Variants in PSMD2 observed in about 807,000 individuals in gnomAD.
PSMD2 encodes 26S proteasome non-ATPase regulatory subunit 2.
A neutral mutation model predicts 101.5 loss-of-function variants in PSMD2; 8 were observed. The ratio of observed to expected loss-of-function variants is 0.08; its 90% CI spans 0.05 to 0.14. The LOEUF (loss-of-function observed/expected upper bound fraction) is 0.14, where lower values mean the gene tolerates loss of function less well. Among genes scored for constraint, PSMD2 ranks in the 10% least tolerant of loss-of-function variants. The probability of loss-of-function intolerance (pLI) is 1.00; values close to 1 mark genes in which losing one functional copy is unlikely to be tolerated. For synonymous variants in PSMD2, 418 were observed against 433.8 expected (o/e 0.96, Z 0.45); for missense variants, 784 against 1,147.4 (o/e 0.68, Z 4.58).
rs746289949 is a variant in PSMD2, at chr3:184,304,120, T to C, written c.1451+46T>C. The C allele has an allele frequency of 6.2e-7, 1 of 1,610,200 alleles. No homozygotes were observed. Among genetic ancestry groups the C allele is most frequent in the East Asian group, 2.2e-5 (1 of 44,866 alleles). ...TTCTGGTAGTGCTCAGCCTGTACAC[T>C]CTGGAGAACAGGAACTGGGCCCTTT... On this transcript the variant is annotated intron_variant, in intron 11 of 20. Coordinates refer to ENST00000310118, the MANE Select transcript of PSMD2 (RefSeq NM_002808.5). The surrounding 1 kb of genome is among the most constrained non-coding windows in gnomAD (Gnocchi z 4.1).
At position 184,302,029 on chromosome 3, in the gene PSMD2, T is replaced by C. The variant is rs759882711; in HGVS notation, c.662T>C (p.Ile221Thr). ...IEQVDMLEKD[I>T]DENAYAKVCL... ...CAGGTGGACATGCTGGAGAAGGACA[T>C]TGATGAAAATGCATATGCAAAGGTC... Residue 221 changes from isoleucine to threonine, a missense_variant, in exon 5 of 21, where the codon ATT (isoleucine) becomes ACT (threonine). Transcript: ENST00000310118. 4 of 1,614,082 alleles carry C rather than the reference T, an allele frequency of 2.5e-6. No individual in the cohort carries two copies. The highest frequency in any genetic ancestry group is 2.2e-5 in the South Asian group (2 of 91,088).
chr3:184,303,926 G>T (rs760113671), intron 10 of PSMD2, 21 bp from the exon 11 acceptor site: 13 of 1,614,130 alleles, frequency 8.1e-6, no homozygotes, highest in African/African-American at 1.3e-5. Context: ...CCTGAGTGAA[G>T]AATCTGTTTG....
rs780041118 is a variant in PSMD2, at chr3:184,308,963, C to T, written c.*73C>T. On this transcript the variant is annotated 3_prime_UTR_variant, in exon 21 of 21. Transcript: ENST00000310118. The surrounding 1 kb of genome is among the most constrained non-coding windows in gnomAD (Gnocchi z 6.0). ...TGCATCCTGCTGCCAAGGGTGGACA[C>T]GGCTGCAGACTTCTGGGGGAATTGT... The T allele has an allele frequency of 1.7e-4, 251 of 1,445,476 alleles. No homozygotes were observed. The highest frequency in any genetic ancestry group is 2.1e-4 in the Non-Finnish European group (223 of 1,056,604). The allele number at this position is 1,445,476 out of a possible 1,614,324, so 89.5% of individuals were successfully genotyped here.
chr3:184,306,305 G>A (rs761164087), intron 14 of PSMD2, 45 bp from the exon 15 acceptor site: 2 of 1,601,938 alleles, frequency 1.2e-6, no homozygotes, highest in South Asian at 1.1e-5. Context: ...CTTTTCCTTG[G>A]TAACTTCTCA....
rs1040496665 is a variant in PSMD2, at chr3:184,302,306, T to C, written c.705-64T>C. The C allele has an allele frequency of 2.3e-5, 32 of 1,404,958 alleles. No individual in the cohort carries two copies. In the Admixed American group the frequency reaches 4.0e-4, roughly 17 times the overall value. 87.0% of individuals were successfully genotyped at this position (1,404,958 alleles called of 1,614,324 possible). A position where few individuals can be genotyped will look rare whatever the true frequency, so the allele number is the denominator to read the frequency against. On this transcript the variant is annotated intron_variant, in intron 5 of 20. Coordinates refer to ENST00000310118, the MANE Select transcript of PSMD2 (RefSeq NM_002808.5). ...ATATTTATTATTTATTTTGGGTAAG[T>C]GAATTCATGGGGAAAATGAGTGCCT...
rs1288470289 is a variant in PSMD2 at position 184,302,358 on chromosome 3, T to C, written c.705-12T>C. 3 of 1,605,892 alleles carry C rather than the reference T, an allele frequency of 1.9e-6. No homozygotes were observed. The highest frequency in any genetic ancestry group is 3.5e-5 in the Admixed American group (2 of 57,916). ...GGACTTTCTGAATTCTTTGTTACTTTTACTTTTGTAGTTGTGTGAATTACG... is the reference window on the plus strand; with the variant it reads ...GGACTTTCTGAATTCTTTGTTACTTCTACTTTTGTAGTTGTGTGAATTACG... On this transcript the variant is annotated splice_polypyrimidine_tract_variant and intron_variant, in intron 5 of 20. Transcript: ENST00000310118.
chr3:184,307,428 A>G lies in PSMD2; in HGVS notation c.2106A>G (p.Pro702=), dbSNP rs778101647. Residue 702 remains proline (P), a synonymous_variant, in exon 17 of 21, where the codon CCA becomes CCG. Transcript: ENST00000310118. ...LALALISVSN[P]RLNILDTLSK... ...TGGCCCTCATCTCTGTTTCAAATCC[A>G]CGACTCAACATCCTGGATACCCTAA... 2.0e-5 allele frequency: 32 copies of G among 1,614,142 alleles called. No individual in the cohort carries two copies. Among genetic ancestry groups the G allele is most frequent in the Non-Finnish European group, 2.7e-5 (32 of 1,180,018 alleles).
intron 3 of PSMD2, among the ~76,000 whole-genome samples, chr3:184,301,336 C>CAA (rs112455702): frequency 4.9e-4 from 44 of 90,364 alleles, no homozygotes; most frequent in African/African-American, 2.9e-4. Context: ...AACTGAGTCT[C>CAA]AAAAAAAAAA....
rs1721563350 is a variant in PSMD2 at position 184,299,275 on chromosome 3, G to C, written c.9G>C (p.Glu3Asp). 1 of 1,356,364 alleles carries C rather than the reference G, an allele frequency of 7.4e-7. No homozygotes were observed. Among genetic ancestry groups the C allele is most frequent in the Non-Finnish European group, 9.5e-7 (1 of 1,054,916 alleles). The allele number at this position is 1,356,364 out of a possible 1,614,324, so 84.0% of individuals were successfully genotyped here. A position where few individuals can be genotyped will look rare whatever the true frequency, so the allele number is the denominator to read the frequency against. ...CGGCAGTGGCGGCGGAGATGGAGGA[G>C]GGAGGCCGGGACAAGGCGCCGGTGC... The part of the protein sequence containing the change: ME[E>D]GGRDKAPVQP... The change falls in exon 1 of 21, where the codon GAG (glutamate) becomes GAC (aspartate). Residue 3 changes from glutamate (E) to aspartate (D), a missense_variant. Around this residue, in one of 6 missense-constraint regions of PSMD2, gnomAD observed 196 missense variants for 182.4 expected, o/e 1.07. Coordinates refer to ENST00000310118, the MANE Select transcript of PSMD2 (RefSeq NM_002808.5).
rs1721775599 is a variant in PSMD2, at chr3:184,304,828, T to A, written c.1539+437T>A. 6.6e-6 allele frequency among the ~76,000 whole-genome samples: 1 copy of A among 152,116 alleles called. No individual in the cohort carries two copies. The highest frequency in any genetic ancestry group is 6.5e-5 in the Admixed American group (1 of 15,278). On this transcript the variant is annotated intron_variant, in intron 12 of 20. Transcript: ENST00000310118. The surrounding 1 kb of genome is among the most constrained non-coding windows in gnomAD (Gnocchi z 4.1). ...ATTGCTTGAACCCAGAGGTGGAGGT[T>A]GCAGTGAGCTGAGATCGCGCCACTG...
rs1328322583 is a variant in PSMD2, at chr3:184,304,388, G to C, written c.1536G>C (p.Met512Ile). 4.3e-6 allele frequency: 7 copies of C among 1,613,802 alleles called. No homozygotes were observed. The highest frequency in any genetic ancestry group is 1.3e-5 in the African/African-American group (1 of 74,930). The change falls in exon 12 of 21, where the codon ATG becomes ATC. Residue 512 changes from methionine to isoleucine, a missense_variant. Physicochemically the swap from Met to Ile is conservative, Grantham distance 10 (BLOSUM62 1). Coordinates refer to ENST00000310118, the MANE Select transcript of PSMD2 (RefSeq NM_002808.5). This position sits in a 1 kb window ranked among gnomAD's most constrained non-coding sequence, Gnocchi z 4.1. ...TGATGGGAGATTCAAAGTCCAGCAT[G>C]GAGGTGAGTAGAGGCTATTGAGCAT... Reference protein sequence around the residue: ...LPVMGDSKSSMEVAGVTALAC... With the variant: ...LPVMGDSKSSIEVAGVTALAC...
At position 184,305,004 on chromosome 3, in the gene PSMD2, C is replaced by T. The variant is rs558435590; in HGVS notation, c.1539+613C>T. On this transcript the variant is annotated intron_variant, in intron 12 of 20. Coordinates refer to ENST00000310118, the MANE Select transcript of PSMD2 (RefSeq NM_002808.5). ...AACACAGCCTGGGGTTGATGATTCT[C>T]CTTAGTATTGTAGTCATTGGTCAGC... Among the ~76,000 whole-genome samples the T allele has an allele frequency of 2.6e-5, 4 of 152,258 alleles. No homozygotes were observed. The East Asian group carries it at 5.8e-4, about 22-fold the overall frequency.
rs73887452 is a variant in PSMD2 at position 184,304,529 on chromosome 3, C to A, written c.1539+138C>A. 2.4e-6 allele frequency: 2 copies of A among 844,392 alleles called. No individual in the cohort carries two copies. Among genetic ancestry groups the A allele is most frequent in the East Asian group, 2.5e-5 (1 of 39,832 alleles). 52.3% of individuals were successfully genotyped at this position (844,392 alleles called of 1,614,324 possible). ...ATGCCTGTTGGTGTGTATTGAGGGG[C>A]GTCACCTCAGTGAAACCCCTTGATC... On this transcript the variant is annotated intron_variant, in intron 12 of 20. Transcript: ENST00000310118. The surrounding 1 kb of genome is among the most constrained non-coding windows in gnomAD (Gnocchi z 4.1).
rs11545176 is a variant in PSMD2 at position 184,308,764 on chromosome 3, G to A, written c.2601G>A (p.Thr867=). ...CGAAGACTATCACAGGGTTCCAGACGCATACAACCCCAGTGTTGTTGGCCC... is the reference window on the plus strand; with the variant it reads ...CGAAGACTATCACAGGGTTCCAGACACATACAACCCCAGTGTTGTTGGCCC... ...GKPKTITGFQ[T]HTTPVLLAHG... Residue 867 remains threonine, a synonymous_variant, in exon 21 of 21, where the codon ACG becomes ACA. Coordinates refer to ENST00000310118, the MANE Select transcript of PSMD2 (RefSeq NM_002808.5). The surrounding 1 kb of genome is among the most constrained non-coding windows in gnomAD (Gnocchi z 6.0). The A allele has an allele frequency of 6.0e-4, 961 of 1,614,134 alleles. 2 individuals are homozygous for A. The highest frequency in any genetic ancestry group is 9.0e-4 in the Admixed American group (54 of 60,028).
intron 6 of PSMD2, 62 bp from the exon 7 acceptor site, chr3:184,302,617 T>G: frequency 6.2e-7 from 1 of 1,612,316 alleles, no homozygotes; most frequent in Non-Finnish European, 8.5e-7. Flanking sequence ...GGTTAGGGCT[T>G]GAGGGGTTTT....
At position 184,304,337 on chromosome 3, in the gene PSMD2, A is replaced by C; in HGVS notation, c.1485A>C (p.Glu495Asp). 1 of 1,614,236 alleles carries C rather than the reference A, an allele frequency of 6.2e-7. No individual in the cohort carries two copies. The highest frequency in any genetic ancestry group is 8.5e-7 in the Non-Finnish European group (1 of 1,180,048). ...TGGCTTATGCTGGCTCAAATCGTGAAGATGTCCTAACACTGCTGCTGCCTG... is the reference window on the plus strand; with the variant it reads ...TGGCTTATGCTGGCTCAAATCGTGACGATGTCCTAACACTGCTGCTGCCTG... ...LGLAYAGSNR[E>D]DVLTLLLPVM... is the part of the protein sequence containing the mutation. The change falls in exon 12 of 21, where the codon GAA becomes GAC. Residue 495 changes from glutamate (E) to aspartate (D), a missense_variant. This residue lies in a region of PSMD2 where 282 missense variants were observed against 437.6 expected (regional missense o/e 0.64). Coordinates refer to ENST00000310118, the MANE Select transcript of PSMD2 (RefSeq NM_002808.5). This position sits in a 1 kb window ranked among gnomAD's most constrained non-coding sequence, Gnocchi z 4.1.
chr3:184,304,117 C>T lies in PSMD2; in HGVS notation c.1451+43C>T, dbSNP rs771190707. 3 of 1,611,122 alleles carry T rather than the reference C, an allele frequency of 1.9e-6. No homozygotes were observed. The highest frequency in any genetic ancestry group is 1.1e-5 in the South Asian group (1 of 91,020). On this transcript the variant is annotated intron_variant, in intron 11 of 20. Coordinates refer to ENST00000310118, the MANE Select transcript of PSMD2 (RefSeq NM_002808.5). This position sits in a 1 kb window ranked among gnomAD's most constrained non-coding sequence, Gnocchi z 4.1. The stretch of plus-strand genomic sequence containing the variant: ...TCTTTCTGGTAGTGCTCAGCCTGTA[C>T]ACTCTGGAGAACAGGAACTGGGCCC...
intron 3 of PSMD2, among the ~76,000 whole-genome samples, chr3:184,301,161 T>C (rs913940790): frequency 1.3e-5 from 2 of 151,110 alleles, no homozygotes; most frequent in African/African-American, 2.4e-5. Context: ...AAACCCCGTC[T>C]CTACTAAAAA....
chr3:184,304,489 T>C lies in PSMD2; in HGVS notation c.1539+98T>C. 3 of 1,184,144 alleles carry C rather than the reference T, an allele frequency of 2.5e-6. No individual in the cohort carries two copies. The South Asian group carries it at 3.7e-5, about 15-fold the overall frequency. 73.4% of individuals were successfully genotyped at this position (1,184,144 alleles called of 1,614,324 possible). On this transcript the variant is annotated intron_variant, in intron 12 of 20. Transcript: ENST00000310118. This position sits in a 1 kb window ranked among gnomAD's most constrained non-coding sequence, Gnocchi z 4.1. Reference sequence around the variant, plus strand: ...TGAAAAAGAAGTAAGTGTGTGCATGTGTGCATACATGTACATGCCTGTTGG... The same window carrying C: ...TGAAAAAGAAGTAAGTGTGTGCATGCGTGCATACATGTACATGCCTGTTGG...
Sources: gnomAD v4.1 joint callset for allele counts (sites outside exome capture counted in the v4.1 genomes callset) on GRCh38, gnomAD v4.1.1 for gene constraint, gnomAD v4.1.1 regional missense constraint, Gnocchi (gnomAD v3.1) non-coding constraint, MANE v1.5 for transcripts, NCBI Gene and HGNC (gene_info 2026-07-23, HGNC 2026-07-21) for gene names.